Variants in LRRC15 observed in about 807,000 individuals in gnomAD.
LRRC15 encodes leucine rich repeat containing 15, also known as leucine-rich repeat-containing protein 15.
In LRRC15, 5 loss-of-function variants were observed where a neutral mutation model predicts 4.3. The ratio of observed to expected loss-of-function variants is 1.16; its 90% CI spans 0.61 to 2.44. The LOEUF (loss-of-function observed/expected upper bound fraction) is 2.44. Ranked by LOEUF, LRRC15 falls within the 30% of genes most tolerant of loss-of-function variation. The pLI is 0.01. For missense variants in LRRC15, 769 were observed against 747.0 expected (o/e 1.03, Z -0.34); for synonymous variants, 337 against 323.2 (o/e 1.04, Z -0.46).
rs778917093 is a variant in LRRC15 at position 194,360,752 on chromosome 3, G to A, written c.292C>T (p.Arg98Ter). ...AGATAGCGCAGCGAGCCCAGGTTTC[G>A]GAAGGCCCCAGGCGTGATGCGCGAC... ...ELSRITPGAF[R>*]NLGSLRYLSL... The change falls in exon 2 of 2, where the codon CGA becomes TGA. Residue 98 changes from arginine (R) to a stop codon, truncating the protein, a stop_gained. Transcript: ENST00000347624. LOFTEE classifies it low-confidence loss of function (END_TRUNC). The A allele has an allele frequency of 2.8e-5, 45 of 1,614,106 alleles. No homozygotes were observed. Among genetic ancestry groups the A allele is most frequent in the South Asian group, 1.1e-4 (10 of 91,084 alleles).
chr3:194,360,973 C>T lies in LRRC15; in HGVS notation c.71G>A (p.Gly24Asp), dbSNP rs1254990037. 1 of 1,560,756 alleles carries T rather than the reference C, an allele frequency of 6.4e-7. No homozygotes were observed. Among genetic ancestry groups the T allele is most frequent in the South Asian group, 1.2e-5 (1 of 83,542 alleles). The change falls in exon 2 of 2, where the codon GGC becomes GAC. Residue 24 changes from glycine (G) to aspartate (D), a missense_variant. Transcript: ENST00000347624. ...GGAGCAGGTACACTCGCTAGGGCAGCCATGGTAGGCCAACCCTGCACCCCA... is the reference window on the plus strand; with the variant it reads ...GGAGCAGGTACACTCGCTAGGGCAGTCATGGTAGGCCAACCCTGCACCCCA... Reference protein sequence around the residue: ...QAWGAGLAYHGCPSECTCSRA... With the variant: ...QAWGAGLAYHDCPSECTCSRA...
rs772226035 is a variant in LRRC15, at chr3:194,360,531, G to C, written c.513C>G (p.His171Gln). 3 of 1,614,048 alleles carry C rather than the reference G, an allele frequency of 1.9e-6. No homozygotes were observed. In the Admixed American group the frequency reaches 5.0e-5, roughly 27 times the overall value. The change falls in exon 2 of 2, where the codon CAC (histidine) becomes CAG (glutamine). Residue 171 changes from histidine (H) to glutamine (Q), a missense_variant. Physicochemically the swap from His to Gln is conservative, Grantham distance 24 (BLOSUM62 0). Coordinates refer to ENST00000347624, the MANE Select transcript of LRRC15 (RefSeq NM_130830.5). ...LEYIPDGAFD[H>Q]LVGLTKLNLG... ...GATTGAGCTTCGTGAGTCCTACCAG[G>C]TGGTCGAAGGCTCCGTCAGGGATGT... is the stretch of plus-strand genomic sequence containing the variant.
chr3:194,361,117 C>T, intron 1 of LRRC15, 71 bp from the exon 2 acceptor site: 1 of 1,307,002 alleles, frequency 7.7e-7, no homozygotes, highest in South Asian at 1.6e-5. Flanking sequence ...AAGCCAACAT[C>T]AACTCCAGTG....
Position 194,359,727 on chromosome 3 carries a change from C to T in LRRC15, c.1317G>A (p.Leu439=), listed in dbSNP as rs1049914557. ...SDILPLRNWL[L]LNQPRLGTDT... is the part of the protein sequence containing the mutation. ...CCGTCCCTAACCTAGGCTGGTTGAG[C>T]AGGAGCCAGTTGCGGAGCGGAAGGA... The change falls in exon 2 of 2, where the codon CTG becomes CTA. Residue 439 remains leucine, a synonymous_variant. Transcript: ENST00000347624. The T allele has an allele frequency of 6.2e-7, 1 of 1,614,188 alleles. No homozygotes were observed. The highest frequency in any genetic ancestry group is 8.5e-7 in the Non-Finnish European group (1 of 1,180,026).
Position 194,368,858 on chromosome 3 carries a change from C to T in LRRC15, c.-4+803G>A, listed in dbSNP as rs532105484. 5.8e-4 allele frequency among the ~76,000 whole-genome samples: 89 copies of T among 152,284 alleles called. 1 individual carries two copies. Among genetic ancestry groups the T allele is most frequent in the African/African-American group, 1.9e-3 (81 of 41,550 alleles). On this transcript the variant is annotated intron_variant, in intron 1 of 1. Transcript: ENST00000347624. The stretch of plus-strand genomic sequence containing the variant: ...CTGCCTCTACGTTTGAGCAGAGACA[C>T]GGGTCAAGGTGCAGCCGTCACAATT...
intron 1 of LRRC15, among the ~76,000 whole-genome samples, chr3:194,362,666 T>C (rs1443086940): frequency 6.6e-6 from 1 of 152,206 alleles, no homozygotes; most frequent in African/African-American, 2.4e-5. Flanking sequence ...GTGTTAATGC[T>C]GTGTCTCCCT....
At position 194,369,665 on chromosome 3, in the gene LRRC15, A is replaced by G. The variant is rs1423300384; in HGVS notation, c.-8T>C. 1 of 152,354 alleles carries G rather than the reference A, an allele frequency of 6.6e-6. No individual in the cohort carries two copies. Among genetic ancestry groups the G allele is most frequent in the Admixed American group, 6.6e-5 (1 of 15,266 alleles). The allele number at this position is 152,354 out of a possible 1,614,324, so 9.4% of individuals were successfully genotyped here. ...GGGGGTGGCTTGCCTACTTACCAGC[A>G]GCTCGGCGCCCGCCCGCCGTGGACA... On this transcript the variant is annotated 5_prime_UTR_variant, in exon 1 of 2. Transcript: ENST00000347624.
Position 194,358,455 on chromosome 3 carries a change from G to A in LRRC15, c.*843C>T, listed in dbSNP as rs1010635363. The A allele has an allele frequency of 9.2e-5, 14 of 152,196 alleles. No homozygotes were observed. The highest frequency in any genetic ancestry group is 3.4e-4 in the African/African-American group (14 of 41,448). 9.4% of individuals were successfully genotyped at this position (152,196 alleles called of 1,614,324 possible). A position where few individuals can be genotyped will look rare whatever the true frequency, so the allele number is the denominator to read the frequency against. On this transcript the variant is annotated 3_prime_UTR_variant, in exon 2 of 2. Transcript: ENST00000347624. ...TTCTTTCTCTATCCCGTATTAATAA[G>A]CTGATTTTAATGTTTTTAGAAGTCC... is the stretch of plus-strand genomic sequence containing the variant.
At chr3:194,363,347 A>G (rs1437915156) in intron 1 of LRRC15, 3 of 714,688 alleles carry the variant, frequency 4.2e-6, no homozygotes, top group African/African-American at 1.8e-5. Flanking sequence ...AAGAAAGGAA[A>G]AAGAATACCT....
chr3:194,368,125 G>T (rs777902548), intron 1 of LRRC15, among the ~76,000 whole-genome samples: 22 of 152,216 alleles, frequency 1.4e-4, no homozygotes, highest in Non-Finnish European at 2.6e-4. Context: ...TCTGGAAGCA[G>T]GTTCTAATTT....
chr3:194,364,575 G>A (rs1036935480), intron 1 of LRRC15, among the ~76,000 whole-genome samples: 3 of 152,080 alleles, frequency 2.0e-5, no homozygotes, highest in Admixed American at 1.3e-4. Flanking sequence ...GGCTTTCTAG[G>A]AGTCTGCACT....
At position 194,359,957 on chromosome 3, in the gene LRRC15, T is replaced by C. The variant is rs753279709; in HGVS notation, c.1087A>G (p.Met363Val). 6.2e-7 allele frequency: 1 copy of C among 1,614,152 alleles called. No homozygotes were observed. The highest frequency in any genetic ancestry group is 2.2e-5 in the East Asian group (1 of 44,884). Residue 363 changes from methionine to valine, a missense_variant, in exon 2 of 2, where the codon ATG (methionine) becomes GTG (valine). Coordinates refer to ENST00000347624, the MANE Select transcript of LRRC15 (RefSeq NM_130830.5). ...LQDLDGNVFRMLANLQNISLQ... is the reference protein window; with the variant it reads ...LQDLDGNVFRVLANLQNISLQ... ...GAGATGTTCTGCAGGTTGGCCAACA[T>C]GCGGAAGACGTTCCCGTCCAGGTCC... is the stretch of plus-strand genomic sequence containing the variant.
chr3:194,359,565 T>G lies in LRRC15; in HGVS notation c.1479A>C (p.Thr493=). 1 of 1,613,960 alleles carries G rather than the reference T, an allele frequency of 6.2e-7. No homozygotes were observed. The highest frequency in any genetic ancestry group is 8.5e-7 in the Non-Finnish European group (1 of 1,179,946). ...SYPETPWYPD[T]PSYPDTTSVS... is the part of the protein sequence containing the mutation. ...CGGATGTGGTGTCAGGGTAACTGGG[T>G]GTGTCTGGGTACCATGGTGTTTCTG... is the stretch of plus-strand genomic sequence containing the variant. Residue 493 remains threonine, a synonymous_variant, in exon 2 of 2, where the codon ACA becomes ACC. Transcript: ENST00000347624.
intron 1 of LRRC15, among the ~76,000 whole-genome samples, chr3:194,361,981 G>T (rs780866411): frequency 6.6e-6 from 1 of 152,198 alleles, no homozygotes; most frequent in Non-Finnish European, 1.5e-5. Context: ...AAACACTGGG[G>T]AGTCCTTGAG....
intron 1 of LRRC15, among the ~76,000 whole-genome samples, chr3:194,364,343 C>T (rs557692730): frequency 3.3e-5 from 5 of 152,130 alleles, no homozygotes; most frequent in African/African-American, 9.7e-5. Flanking sequence ...CCTGGGCTGA[C>T]GTGCAAAAGG....
Position 194,357,990 on chromosome 3 carries a change from A to C in LRRC15, c.*1308T>G, listed in dbSNP as rs1470059461. The C allele has an allele frequency of 6.6e-6, 1 of 152,252 alleles. No individual in the cohort carries two copies. The highest frequency in any genetic ancestry group is 1.5e-5 in the Non-Finnish European group (1 of 68,060). The allele number at this position is 152,252 out of a possible 1,614,324, so 9.4% of individuals were successfully genotyped here. A position where few individuals can be genotyped will look rare whatever the true frequency, so the allele number is the denominator to read the frequency against. ...AGGGTGTGGCTGCACGGACCTCTGC[A>C]GTCAGGATGCTTCTGACCTGGCCAG... is the stretch of plus-strand genomic sequence containing the variant. On this transcript the variant is annotated 3_prime_UTR_variant, in exon 2 of 2. Transcript: ENST00000347624.
intron 1 of LRRC15, among the ~76,000 whole-genome samples, chr3:194,365,280 G>T (rs1022015448): frequency 1.3e-5 from 2 of 152,244 alleles, no homozygotes; most frequent in East Asian, 1.9e-4. Flanking sequence ...TTCCCTCCCC[G>T]TGAGCAGAAG....
chr3:194,365,290 G>A (rs1329824946), intron 1 of LRRC15, among the ~76,000 whole-genome samples: 2 of 152,238 alleles, frequency 1.3e-5, no homozygotes, highest in South Asian at 4.1e-4. Context: ...GTGAGCAGAA[G>A]TGCACGAACC....
In LRRC15 at chr3:194,368,447, C is replaced by T. The variant is rs116478624; in HGVS notation, c.-4+1214G>A. The stretch of plus-strand genomic sequence containing the variant: ...GAACCCTCTCACATGCCTGCCTCAT[C>T]ACTGCTGAGCCCGCCCAGCTGACTC... On this transcript the variant is annotated intron_variant, in intron 1 of 1. Coordinates refer to ENST00000347624, the MANE Select transcript of LRRC15 (RefSeq NM_130830.5). Among the ~76,000 whole-genome samples the T allele has an allele frequency of 2.8e-3, 433 of 152,294 alleles. 3 individuals carry two copies. The highest frequency in any genetic ancestry group is 9.9e-3 in the African/African-American group (410 of 41,552).
Sources: allele counts gnomAD v4.1 joint callset (sites outside exome capture counted in the v4.1 genomes callset), GRCh38; gene constraint gnomAD v4.1.1; transcripts MANE v1.5; gene names NCBI Gene and HGNC (gene_info 2026-07-23, HGNC 2026-07-21).